FCGR2A: variants seen among roughly 807,000 people sequenced by gnomAD.
FCGR2A encodes low affinity immunoglobulin gamma Fc region receptor II-a.
Under a neutral mutation model 29.3 loss-of-function variants are expected in FCGR2A, and 18 were observed. The observed-to-expected ratio is 0.62, with a 90% CI of 0.43 to 0.91. The LOEUF is 0.91. Ranked by LOEUF, FCGR2A falls within the 40% of genes least tolerant of loss-of-function variation. FCGR2A has a pLI of 0.00. For missense variants in FCGR2A, 287 were observed against 393.0 expected (o/e 0.73, Z 2.28); for synonymous variants, 126 against 144.8 (o/e 0.87, Z 0.93).
intron 3 of FCGR2A, among the ~76,000 whole-genome samples, chr1:161,506,865 T>C (rs981160273): frequency 9.9e-5 from 15 of 152,062 alleles, no homozygotes; most frequent in African/African-American, 3.4e-4. Context: ...AACAGCTGAG[T>C]GTGGGAGAAG....
At chr1:161,508,945 G>T (rs12092751) in intron 3 of FCGR2A, among the ~76,000 whole-genome samples, 232 of 152,334 alleles carry the variant, frequency 1.5e-3, no homozygotes, top group African/African-American at 5.4e-3. Flanking sequence ...GTGGATGGAA[G>T]ATTTTATGCA....
At position 161,509,801 on chromosome 1, in the gene FCGR2A, T is replaced by A; in HGVS notation, c.365-19T>A. 6.2e-7 allele frequency: 1 copy of A among 1,613,696 alleles called. No homozygotes were observed. Among genetic ancestry groups the A allele is most frequent in the Non-Finnish European group, 8.5e-7 (1 of 1,179,734 alleles). On this transcript the variant is annotated intron_variant, in intron 3 of 6. Coordinates refer to ENST00000271450, the MANE Select transcript of FCGR2A (RefSeq NM_001136219.3). ...AATCTATCCTTACAACTTTTTCTTA[T>A]CATATTTGTGTCTTTCAGAATGGCT...
chr1:161,507,178 A>C (rs1331895541), intron 3 of FCGR2A, among the ~76,000 whole-genome samples: 1 of 152,206 alleles, frequency 6.6e-6, no homozygotes, highest in East Asian at 1.9e-4. Context: ...AACATCTGAC[A>C]GTGTTCAGTT....
At chr1:161,520,142 A>G (rs1047801244), downstream of FCGR2A, among the ~76,000 whole-genome samples, 9 of 151,960 alleles carry the variant, frequency 5.9e-5, no homozygotes, top group Non-Finnish European at 8.8e-5. Flanking sequence ...TCCAAACTCT[A>G]TGTATTAGTC....
intron 4 of FCGR2A, 99 bp from the exon 5 acceptor site, chr1:161,510,735 G>C: frequency 6.8e-7 from 1 of 1,475,672 alleles, no homozygotes; most frequent in Non-Finnish European, 9.3e-7. Flanking sequence ...GACAAGCACT[G>C]GGACATAGCA....
At chr1:161,512,862 A>T (rs570873403) in intron 5 of FCGR2A, among the ~76,000 whole-genome samples, 86 of 152,348 alleles carry the variant, frequency 5.6e-4, no homozygotes, top group Middle Eastern at 3.4e-3. Flanking sequence ...GCCAAAGCAG[A>T]TCTGGAAAAT....
At chr1:161,506,827 G>C (rs962880304) in intron 3 of FCGR2A, 1 of 791,364 alleles carries the variant, frequency 1.3e-6, no homozygotes, top group Non-Finnish European at 1.9e-6. Context: ...CCTCAGTCTT[G>C]ATTGAGCAAG....
At chr1:161,513,626 A>G (rs1266595804) in intron 5 of FCGR2A, 10 of 555,584 alleles carry the variant, frequency 1.8e-5, no homozygotes, top group Non-Finnish European at 3.2e-5. Flanking sequence ...GTTTGCTTCT[A>G]GGAAAGCTCA....
intron 3 of FCGR2A, among the ~76,000 whole-genome samples, chr1:161,509,488 C>T (rs1430662506): frequency 2.0e-5 from 3 of 152,166 alleles, no homozygotes; most frequent in Non-Finnish European, 4.4e-5. Flanking sequence ...CCCCAGACCA[C>T]AAAAACTGAC....
downstream of FCGR2A, among the ~76,000 whole-genome samples, chr1:161,521,790 C>T (rs931557977): frequency 8.6e-5 from 13 of 151,806 alleles, 1 homozygote; most frequent in African/African-American, 2.7e-4. Context: ...TGTGAGGCCT[C>T]CCAGCCACGT....
chr1:161,514,515 T>C (rs1217476200), intron 6 of FCGR2A: 2 of 171,192 alleles, frequency 1.2e-5, no homozygotes, highest in Non-Finnish European at 2.5e-5. Flanking sequence ...CCCCCAAAGA[T>C]CCCTAAGAGC....
At chr1:161,515,922 A>G (rs1676118737) in intron 6 of FCGR2A, among the ~76,000 whole-genome samples, 1 of 152,220 alleles carries the variant, frequency 6.6e-6, no homozygotes, top group South Asian at 2.1e-4. Flanking sequence ...TAGAAACAGT[A>G]TTAAAGGAGC....
At chr1:161,516,640 T>G (rs403080) in intron 6 of FCGR2A, among the ~76,000 whole-genome samples, 1 of 152,048 alleles carries the variant, frequency 6.6e-6, no homozygotes, top group South Asian at 2.1e-4. Flanking sequence ...GCAAAAAAGT[T>G]AACTTTGATT....
chr1:161,506,061 ATGCTGTGTTTGCTGG>A, intron 2 of FCGR2A, 54 bp downstream of exon 2: 1 of 1,577,522 alleles, frequency 6.3e-7, no homozygotes, highest in Non-Finnish European at 8.7e-7. Flanking sequence ...TCATAATATG[ATGCTGTGTTTGCTGG>A]GGCGGCGGGG....
At chr1:161,505,580 C>A (rs779537504) in intron 1 of FCGR2A, 28 bp downstream of exon 1, 6 of 1,547,886 alleles carry the variant, frequency 3.9e-6, no homozygotes, top group Non-Finnish European at 5.4e-6. Flanking sequence ...TGAAATGGGG[C>A]AATTTCAGAC....
At position 161,518,193 on chromosome 1, in the gene FCGR2A, G is replaced by A. The variant is rs1676261209; in HGVS notation, c.*45G>A. ...TGGTCATACTCTCAGCTTGCTGAGT[G>A]GATGACAAAAAGAGGGGAATTGTTA... On this transcript the variant is annotated 3_prime_UTR_variant, in exon 7 of 7. Coordinates refer to ENST00000271450, the MANE Select transcript of FCGR2A (RefSeq NM_001136219.3). 5.1e-6 allele frequency: 8 copies of A among 1,583,606 alleles called. No homozygotes were observed. In the African/African-American group the frequency reaches 5.5e-5, roughly 11 times the overall value.
chr1:161,509,902 G>A lies in FCGR2A; in HGVS notation c.447G>A (p.Lys149=), dbSNP rs765553715. The A allele has an allele frequency of 3.5e-5, 57 of 1,614,216 alleles. No individual in the cohort carries two copies. Among genetic ancestry groups the A allele is most frequent in the Non-Finnish European group, 4.7e-5 (56 of 1,180,034 alleles). Reference sequence around the variant, plus strand: ...TGAGGTGCCACAGCTGGAAGGACAAGCCTCTGGTCAAGGTCACATTCTTCC... The same window carrying A: ...TGAGGTGCCACAGCTGGAAGGACAAACCTCTGGTCAAGGTCACATTCTTCC... The part of the protein sequence containing the change: ...IMLRCHSWKD[K]PLVKVTFFQN... The change falls in exon 4 of 7, where the codon AAG becomes AAA. Residue 149 remains lysine (K), a synonymous_variant. Transcript: ENST00000271450.
At chr1:161,515,464 C>T (rs1204759549) in intron 6 of FCGR2A, among the ~76,000 whole-genome samples, 10 of 152,004 alleles carry the variant, frequency 6.6e-5, no homozygotes, top group East Asian at 1.9e-4. Context: ...CTAGGTGTCT[C>T]GTTAGTCACT....
At chr1:161,507,557 G>A (rs566374658) in intron 3 of FCGR2A, among the ~76,000 whole-genome samples, 1 of 152,328 alleles carries the variant, frequency 6.6e-6, no homozygotes, top group African/African-American at 2.4e-5. Flanking sequence ...AGATTCTCCT[G>A]TTCAACACTG....
Sources: gnomAD v4.1 joint callset for allele counts (sites outside exome capture counted in the v4.1 genomes callset) on GRCh38, gnomAD v4.1.1 for gene constraint, MANE v1.5 for transcripts, NCBI Gene and HGNC (gene_info 2026-07-23, HGNC 2026-07-21) for gene names.